LRP1B: variants seen among roughly 807,000 people sequenced by gnomAD.
The protein encoded by LRP1B is low-density lipoprotein receptor-related protein 1B.
LRP1B carries 217 observed loss-of-function variants against 556.6 expected under a neutral mutation model. That is an observed-to-expected ratio of 0.39 (90% CI 0.35 to 0.44). LRP1B has a LOEUF of 0.44. Ranked by LOEUF, LRP1B falls within the 20% of genes least tolerant of loss-of-function variation. LRP1B has a pLI of 1.00. For missense variants in LRP1B, 5,053 were observed against 5,620.8 expected, an observed-to-expected ratio of 0.90 and a Z score of 3.23; for synonymous variants, 2,047 against 1,865.8, an observed-to-expected ratio of 1.10 and a Z score of -2.50.
rs1683669340 is a variant in LRP1B at position 140,297,828 on chromosome 2, G to T, written c.12947C>A (p.Thr4316Asn). ...QPYCHCQPEY[T>N]GDRCQYYVCH... ...CTTACAGTACTGACATCTGTCTCCG[G>T]TGTATTCCGGCTGGCAGTGGCAGTA... The change falls in exon 84 of 91, where the codon ACC (threonine) becomes AAC (asparagine). Residue 4316 changes from threonine (T) to asparagine (N), a missense_variant. Around this residue, in one of 5 missense-constraint regions of LRP1B, gnomAD observed 551 missense variants for 592.0 expected, o/e 0.93. Transcript: ENST00000389484. 1 of 1,613,578 alleles carries T rather than the reference G, an allele frequency of 6.2e-7. No individual in the cohort carries two copies. The highest frequency in any genetic ancestry group is 1.1e-5 in the South Asian group (1 of 91,032).
chr2:141,208,600 G>A (rs1037814634), intron 6 of LRP1B, among the ~76,000 whole-genome samples: 1 of 151,844 alleles, frequency 6.6e-6, no homozygotes, highest in Non-Finnish European at 1.5e-5. Context: ...GGCGCGGGGG[G>A]CTCACGCCTG....
At chr2:141,115,522 T>A (rs1700870474) in intron 7 of LRP1B, among the ~76,000 whole-genome samples, 1 of 149,616 alleles carries the variant, frequency 6.7e-6, no homozygotes, top group African/African-American at 2.5e-5. Flanking sequence ...AATGTCGTGA[T>A]CTTGGCTCAT....
intron 1 of LRP1B, among the ~76,000 whole-genome samples, chr2:142,117,635 G>C (rs1368167933): frequency 6.6e-6 from 1 of 152,054 alleles, no homozygotes; most frequent in Non-Finnish European, 1.5e-5. Context: ...GTGAGAGAGA[G>C]AGAGAAAGAG....
chr2:141,989,623 A>G (rs955794262), intron 1 of LRP1B, among the ~76,000 whole-genome samples: 1 of 152,042 alleles, frequency 6.6e-6, no homozygotes, highest in Non-Finnish European at 1.5e-5. Context: ...GAGTGGGACC[A>G]GGTAGAGAAA....
intron 35 of LRP1B, among the ~76,000 whole-genome samples, chr2:140,764,343 T>C (rs1689028551): frequency 6.6e-6 from 1 of 152,164 alleles, no homozygotes; most frequent in East Asian, 1.9e-4. Context: ...AATAAACTTT[T>C]GCTTCAGTGG....
chr2:140,312,726 A>AT (rs1026333821), intron 83 of LRP1B, among the ~76,000 whole-genome samples: 2 of 151,684 alleles, frequency 1.3e-5, no homozygotes, highest in Admixed American at 6.6e-5. Context: ...AAAATATTTC[A>AT]TTTTTAGTAT....
At chr2:141,616,525 AG>A (rs1688308584) in intron 2 of LRP1B, among the ~76,000 whole-genome samples, 1 of 152,186 alleles carries the variant, frequency 6.6e-6, no homozygotes, top group Non-Finnish European at 1.5e-5. Flanking sequence ...CTTTCAAGAG[AG>A]ATCTTTAATT....
intron 14 of LRP1B, 128 bp downstream of exon 14, chr2:141,013,428 A>G (rs1309339423): frequency 1.4e-6 from 1 of 719,870 alleles, no homozygotes; most frequent in African/African-American, 1.9e-5. Context: ...GATTTGATTG[A>G]CTTTGGAGGG....
intron 7 of LRP1B, among the ~76,000 whole-genome samples, chr2:141,064,218 A>G (rs1244669425): frequency 6.6e-6 from 1 of 151,902 alleles, no homozygotes; most frequent in African/African-American, 2.4e-5. Flanking sequence ...TGGGTCAATC[A>G]CTTTACAAAG....
intron 2 of LRP1B, among the ~76,000 whole-genome samples, chr2:141,775,474 G>A (rs13432043): frequency 6.6e-6 from 1 of 152,122 alleles, no homozygotes; most frequent in Non-Finnish European, 1.5e-5. Flanking sequence ...TCTTTGACAT[G>A]TATTCATTGT....
At chr2:141,188,083 T>C (rs1261596082) in intron 7 of LRP1B, among the ~76,000 whole-genome samples, 2 of 151,972 alleles carry the variant, frequency 1.3e-5, no homozygotes, top group Admixed American at 6.6e-5. Context: ...AACGAAAAAG[T>C]CCACTGTTAA....
At chr2:140,896,340 A>T (rs1211879165) in intron 23 of LRP1B, among the ~76,000 whole-genome samples, 2 of 152,022 alleles carry the variant, frequency 1.3e-5, no homozygotes, top group African/African-American at 4.8e-5. Flanking sequence ...ATTAGGAGTG[A>T]ACTTAGAGAA....
intron 1 of LRP1B, among the ~76,000 whole-genome samples, chr2:141,837,781 T>C (rs1697334908): frequency 2.0e-5 from 3 of 152,114 alleles, no homozygotes; most frequent in Admixed American, 1.3e-4. Context: ...GGTAGATGAA[T>C]AGATATTTTT....
chr2:140,400,967 G>C (rs1265550407), intron 66 of LRP1B, among the ~76,000 whole-genome samples: 1 of 152,160 alleles, frequency 6.6e-6, no homozygotes, highest in African/African-American at 2.4e-5. Flanking sequence ...GTGCCTTGGC[G>C]GTATTTCCAG....
intron 80 of LRP1B, 82 bp downstream of exon 80, chr2:140,325,680 A>G: frequency 4.6e-6 from 4 of 877,892 alleles, no homozygotes; most frequent in South Asian, 1.8e-5. Context: ...ATGCAAAGTA[A>G]AGTATCCATA....
rs776629803 is a variant in LRP1B at position 140,770,991 on chromosome 2, T to C, written c.5516A>G (p.Gln1839Arg). The C allele has an allele frequency of 3.2e-6, 5 of 1,576,484 alleles. No individual in the cohort carries two copies. In the South Asian group the frequency reaches 6.0e-5, roughly 19 times the overall value. The change falls in exon 34 of 91, where the codon CAA becomes CGA. Residue 1839 changes from glutamine to arginine, a missense_variant. This residue lies in a region of LRP1B where 3,619 missense variants were observed against 3,931.9 expected (regional missense o/e 0.92). Coordinates refer to ENST00000389484, the MANE Select transcript of LRP1B (RefSeq NM_018557.3). The stretch of plus-strand genomic sequence containing the variant: ...TTGAGAGCATCCACCATTGTTTAGT[T>C]GGCAGGAATTGCTGCCTGCATAGAA... The part of the protein sequence containing the change: ...KEAQQGSNSC[Q>R]LNNGGCSQLC...
At chr2:140,946,106 T>C (rs988446623) in intron 20 of LRP1B, among the ~76,000 whole-genome samples, 6 of 151,914 alleles carry the variant, frequency 3.9e-5, no homozygotes, top group African/African-American at 1.5e-4. Flanking sequence ...TATGAAAAAA[T>C]GCTCCACTAA....
rs1686571436 is a variant in LRP1B, at chr2:140,699,927, AT to A, written c.6799+322del. Among the ~76,000 whole-genome samples the A allele has an allele frequency of 2.7e-5, 4 of 149,686 alleles. No individual in the cohort carries two copies. In the South Asian group the frequency reaches 8.4e-4, roughly 31 times the overall value. ...ACAATTTGCCCACTGGAAAAAAAAA[AT>A]CAATTAGAATAGTTTTACACTGAAA... is the stretch of plus-strand genomic sequence containing the variant. On this transcript the variant is annotated intron_variant, in intron 41 of 90. Transcript: ENST00000389484.
At chr2:140,748,609 ATATATATATATATATATTCG>A (rs1455912859) in intron 35 of LRP1B, among the ~76,000 whole-genome samples, 21 of 110,186 alleles carry the variant, frequency 1.9e-4, no homozygotes, top group African/African-American at 8.3e-4. Flanking sequence ...ATATATATAT[ATATATATATATATATATTCG>A]TATATATATT....
Sources: gnomAD v4.1 joint callset for allele counts (sites outside exome capture counted in the v4.1 genomes callset) on GRCh38, gnomAD v4.1.1 for gene constraint, gnomAD v4.1.1 regional missense constraint, MANE v1.5 for transcripts, NCBI Gene and HGNC (gene_info 2026-07-23, HGNC 2026-07-21) for gene names.